FAM78B: variants seen among roughly 807,000 people sequenced by gnomAD.
The protein encoded by FAM78B is family with sequence similarity 78 member B.
In FAM78B, 10 loss-of-function variants were observed where a neutral mutation model predicts 20.0. The observed-to-expected ratio is 0.50, with a 90% CI of 0.31 to 0.85. FAM78B has a LOEUF of 0.85. Among genes scored for constraint, FAM78B ranks in the 40% least tolerant of loss-of-function variants. FAM78B has a pLI of 0.05. For missense variants in FAM78B, 283 were observed against 345.0 expected, an observed-to-expected ratio of 0.82 and a Z score of 1.42; for synonymous variants, 135 against 132.8, an observed-to-expected ratio of 1.02 and a Z score of -0.12.
Position 166,166,157 on chromosome 1 carries a change from G to A in FAM78B, c.92C>T (p.Pro31Leu). 6.2e-7 allele frequency: 1 copy of A among 1,605,514 alleles called. No homozygotes were observed. The highest frequency in any genetic ancestry group is 8.5e-7 in the Non-Finnish European group (1 of 1,175,970). ...GGGCGAGGTCTCCTCGATGCGCGTG[G>A]GGCACTGGTCGATGGTGGCGCACAC... ...YDVCATIDQC[P>L]TRIEETSPIV... is the part of the protein sequence containing the mutation. The change falls in exon 1 of 2, where the codon CCC (proline) becomes CTC (leucine). Residue 31 changes from proline to leucine, a missense_variant. Pro to Leu is a moderately conservative substitution (Grantham distance 98). Transcript: ENST00000354422.
chr1:166,140,530 A>G (rs1655240083), intron 1 of FAM78B, among the ~76,000 whole-genome samples: 1 of 152,242 alleles, frequency 6.6e-6, no homozygotes, highest in Non-Finnish European at 1.5e-5. Context: ...GAGCAGCGAG[A>G]AAGGCACCAT....
At chr1:166,092,026 G>A (rs1653093696) in intron 1 of FAM78B, among the ~76,000 whole-genome samples, 1 of 118,960 alleles carries the variant, frequency 8.4e-6, no homozygotes. Flanking sequence ...ACATGATTGA[G>A]CCATCATTTT....
At chr1:166,144,736 C>CA (rs1321784056) in intron 1 of FAM78B, among the ~76,000 whole-genome samples, 1 of 152,024 alleles carries the variant, frequency 6.6e-6, no homozygotes, top group African/African-American at 2.4e-5. Context: ...TTCCTCAAGG[C>CA]AAAAAATCTT....
In FAM78B at chr1:166,154,129, G is replaced by T. The variant is rs1281497431; in HGVS notation, c.263+11857C>A. Among the ~76,000 whole-genome samples the T allele has an allele frequency of 2.0e-5, 3 of 152,200 alleles. No homozygotes were observed. The East Asian group carries it at 5.8e-4, about 29-fold the overall frequency. ...CCTCCCAGCTGAGCCCTGCTGTCAG[G>T]GGAGGGCCCCTGGCCCCCTCACAAT... On this transcript the variant is annotated intron_variant, in intron 1 of 1. Transcript: ENST00000354422.
At chr1:166,111,475 T>C (rs536143410) in intron 1 of FAM78B, among the ~76,000 whole-genome samples, 1 of 152,372 alleles carries the variant, frequency 6.6e-6, no homozygotes, top group East Asian at 1.9e-4. Context: ...AGCAGCTGTC[T>C]ACAGCAGTAA....
chr1:166,134,720 T>C (rs1030151878), intron 1 of FAM78B, among the ~76,000 whole-genome samples: 16 of 152,142 alleles, frequency 1.1e-4, no homozygotes, highest in African/African-American at 1.9e-4. Flanking sequence ...CCGGAGAATA[T>C]GGGGGATCCA....
intron 1 of FAM78B, among the ~76,000 whole-genome samples, chr1:166,121,442 G>A (rs543125388): frequency 6.6e-6 from 1 of 152,288 alleles, no homozygotes; most frequent in South Asian, 2.1e-4. Context: ...GTCTAAGCAG[G>A]GAATTCCAAG....
intron 1 of FAM78B, among the ~76,000 whole-genome samples, chr1:166,136,930 A>G (rs1655086750): frequency 6.6e-6 from 1 of 152,066 alleles, no homozygotes; most frequent in South Asian, 2.1e-4. Flanking sequence ...AACTGAATGC[A>G]CTCGTATGGC....
chr1:166,104,652 G>A (rs574751052), intron 1 of FAM78B, among the ~76,000 whole-genome samples: 12 of 152,130 alleles, frequency 7.9e-5, no homozygotes, highest in East Asian at 1.9e-4. Context: ...TACAAGGGAC[G>A]TGAAGGACCT....
At chr1:166,155,124 G>A (rs1193750716) in intron 1 of FAM78B, among the ~76,000 whole-genome samples, 1 of 152,196 alleles carries the variant, frequency 6.6e-6, no homozygotes, top group Non-Finnish European at 1.5e-5. Flanking sequence ...GAGGCAAGGA[G>A]ACTAGTCATT....
intron 1 of FAM78B, among the ~76,000 whole-genome samples, chr1:166,082,933 G>A (rs149898543): frequency 5.4e-4 from 82 of 152,302 alleles, no homozygotes; most frequent in African/African-American, 1.9e-3. Context: ...TTAAATAGGA[G>A]CCCAGCTAAG....
chr1:166,165,619 A>G (rs1349871047), intron 1 of FAM78B, among the ~76,000 whole-genome samples: 1 of 151,968 alleles, frequency 6.6e-6, no homozygotes, highest in African/African-American at 2.4e-5. Flanking sequence ...GGTTTCCCCC[A>G]AACTCTTCCC....
At chr1:166,095,346 T>C (rs560244072) in intron 1 of FAM78B, among the ~76,000 whole-genome samples, 1 of 149,878 alleles carries the variant, frequency 6.7e-6, no homozygotes, top group South Asian at 2.1e-4. Context: ...AGAAGAGAGG[T>C]GTGCTGAACA....
In FAM78B at chr1:166,070,237, G is replaced by C. The variant is rs780045799; in HGVS notation, c.*4C>G. 6 of 1,520,526 alleles carry C rather than the reference G, an allele frequency of 3.9e-6. No homozygotes were observed. Among genetic ancestry groups the C allele is most frequent in the Non-Finnish European group, 4.4e-6 (5 of 1,133,578 alleles). The allele number at this position is 1,520,526 out of a possible 1,614,324, so 94.2% of individuals were successfully genotyped here. ...GATCCACACACAGTCAGGCCAGTCT[G>C]CTTCTACTTAGGAGGGATCACAACC... On this transcript the variant is annotated 3_prime_UTR_variant, in exon 2 of 2. Transcript: ENST00000354422.
exon 3 of FAM78B, chr1:166,057,680 CT>C (rs976736899): frequency 5.3e-5 from 8 of 152,346 alleles, no homozygotes; most frequent in Admixed American, 5.2e-4. Context: ...TTAACCTGCT[CT>C]TCTGTCCTCC....
At chr1:166,066,416 G>C (rs1323912497), downstream of FAM78B, among the ~76,000 whole-genome samples, 1 of 152,152 alleles carries the variant, frequency 6.6e-6, no homozygotes, top group African/African-American at 2.4e-5. Context: ...AGATGAAAGG[G>C]ACTAGCTTTC....
chr1:166,159,319 T>C (rs1461135588), intron 1 of FAM78B, among the ~76,000 whole-genome samples: 1 of 152,126 alleles, frequency 6.6e-6, no homozygotes, highest in Non-Finnish European at 1.5e-5. Flanking sequence ...ATGTATGGCC[T>C]CAGGCAGGTT....
chr1:166,077,817 TATATATAA>T (rs1357533154), intron 1 of FAM78B, among the ~76,000 whole-genome samples: 1 of 111,118 alleles, frequency 9.0e-6, no homozygotes, highest in Non-Finnish European at 1.8e-5. Flanking sequence ...ATATGTAGAT[TATATATAA>T]ATATATATAA....
chr1:166,087,955 T>A (rs1652900258), intron 1 of FAM78B, among the ~76,000 whole-genome samples: 1 of 151,928 alleles, frequency 6.6e-6, no homozygotes, highest in Non-Finnish European at 1.5e-5. Flanking sequence ...CATTCTGGGG[T>A]GCTGGGGATG....
Sources: gnomAD v4.1 joint callset for allele counts (sites outside exome capture counted in the v4.1 genomes callset) on GRCh38, gnomAD v4.1.1 for gene constraint, MANE v1.5 for transcripts, NCBI Gene and HGNC (gene_info 2026-07-23, HGNC 2026-07-21) for gene names.